Variants in ASAP1 observed in about 807,000 individuals in gnomAD.
The protein encoded by ASAP1 is arf-GAP with SH3 domain, ANK repeat and PH domain-containing protein 1.
In ASAP1, 43 loss-of-function variants were observed where a neutral mutation model predicts 145.2. That is an observed-to-expected ratio of 0.30 (90% confidence interval 0.23 to 0.38). The LOEUF (loss-of-function observed/expected upper bound fraction) is 0.38. Among genes scored for constraint, ASAP1 ranks in the 10% least tolerant of loss-of-function variants. The probability of loss-of-function intolerance (pLI) is 1.00; values close to 1 mark genes in which losing one functional copy is unlikely to be tolerated. For missense variants in ASAP1, 1,018 were observed against 1,355.3 expected, an observed-to-expected ratio of 0.75 and a Z score of 3.91; for synonymous variants, 546 against 515.5, an observed-to-expected ratio of 1.06 and a Z score of -0.80.
intron 1 of ASAP1, among the ~76,000 whole-genome samples, chr8:130,439,671 G>C (rs551934488): frequency 6.6e-6 from 1 of 152,340 alleles, no homozygotes; most frequent in Non-Finnish European, 1.5e-5. Context: ...TCTTCGAGGA[G>C]ATAAAGACAC....
intron 13 of ASAP1, among the ~76,000 whole-genome samples, chr8:130,139,336 GA>G (rs1436618385): frequency 6.6e-6 from 1 of 152,236 alleles, no homozygotes; most frequent in African/African-American, 2.4e-5. Context: ...ATTTGGGCCA[GA>G]AATAAGGAAG....
At chr8:130,252,159 T>C (rs1331005232) in intron 3 of ASAP1, among the ~76,000 whole-genome samples, 1 of 152,216 alleles carries the variant, frequency 6.6e-6, no homozygotes, top group East Asian at 1.9e-4. Flanking sequence ...CTATGGTTAC[T>C]AAAAATTATG....
At chr8:130,300,857 C>G (rs933407143) in intron 3 of ASAP1, among the ~76,000 whole-genome samples, 3 of 152,172 alleles carry the variant, frequency 2.0e-5, no homozygotes, top group African/African-American at 7.2e-5. Flanking sequence ...CTCTCTGGAC[C>G]AAGTTTCAGC....
intron 27 of ASAP1, among the ~76,000 whole-genome samples, chr8:130,064,593 ACTT>A (rs1292549358): frequency 6.6e-6 from 1 of 151,966 alleles, no homozygotes; most frequent in African/African-American, 2.4e-5. Context: ...ACAGAAGAAA[ACTT>A]CTGTGACCAA....
At chr8:130,179,875 C>A (rs547265702) in intron 8 of ASAP1, among the ~76,000 whole-genome samples, 2 of 152,134 alleles carry the variant, frequency 1.3e-5, no homozygotes, top group East Asian at 3.9e-4. Flanking sequence ...TCAAGATTTT[C>A]TATTGACACT....
intron 3 of ASAP1, among the ~76,000 whole-genome samples, chr8:130,286,211 A>G (rs1370033843): frequency 6.6e-6 from 1 of 152,252 alleles, no homozygotes. Flanking sequence ...GACCACCTGA[A>G]GTACATTGCA....
intron 11 of ASAP1, among the ~76,000 whole-genome samples, chr8:130,163,754 T>C (rs748691915): frequency 6.6e-6 from 1 of 152,234 alleles, no homozygotes; most frequent in Non-Finnish European, 1.5e-5. Context: ...AATCCTTTGA[T>C]AGTGTTAACG....
intron 3 of ASAP1, among the ~76,000 whole-genome samples, chr8:130,256,999 TC>T: frequency 6.6e-6 from 1 of 151,724 alleles, no homozygotes; most frequent in South Asian, 2.1e-4. Flanking sequence ...CATCATTTCT[TC>T]CCTTTTTTAA....
intron 3 of ASAP1, among the ~76,000 whole-genome samples, chr8:130,355,429 TG>T (rs1227492106): frequency 1.3e-5 from 2 of 152,122 alleles, no homozygotes; most frequent in Non-Finnish European, 2.9e-5. Context: ...ACTAGGAAAA[TG>T]TTTTTTTTAA....
At chr8:130,399,445 TA>T (rs35062353) in intron 2 of ASAP1, among the ~76,000 whole-genome samples, 1 of 152,000 alleles carries the variant, frequency 6.6e-6, no homozygotes, top group African/African-American at 2.4e-5. Flanking sequence ...ACTCTTGACT[TA>T]AAAAAAGAAA....
chr8:130,240,394 GA>G (rs1372361484), intron 3 of ASAP1, among the ~76,000 whole-genome samples: 1 of 152,016 alleles, frequency 6.6e-6, no homozygotes, highest in Non-Finnish European at 1.5e-5. Flanking sequence ...AGAGACAGGG[GA>G]TACTGTCCTT....
chr8:130,244,961 C>G (rs1323360413), intron 3 of ASAP1, among the ~76,000 whole-genome samples: 1 of 152,074 alleles, frequency 6.6e-6, no homozygotes, highest in Admixed American at 6.6e-5. Flanking sequence ...CCAATTACAG[C>G]AGTTTGAGGA....
At chr8:130,164,179 C>T (rs2097675376) in intron 11 of ASAP1, among the ~76,000 whole-genome samples, 1 of 152,170 alleles carries the variant, frequency 6.6e-6, no homozygotes, top group African/African-American at 2.4e-5. Flanking sequence ...TCTGTCAAAC[C>T]TGCAAACGAT....
intron 9 of ASAP1, among the ~76,000 whole-genome samples, chr8:130,173,935 G>C (rs1813769831): frequency 6.6e-6 from 1 of 151,150 alleles, no homozygotes; most frequent in Non-Finnish European, 1.5e-5. Flanking sequence ...AAAAAAATTA[G>C]CTTGGCGTGG....
chr8:130,182,227 C>T (rs2136182998), intron 7 of ASAP1, among the ~76,000 whole-genome samples: 1 of 152,316 alleles, frequency 6.6e-6, no homozygotes, highest in East Asian at 1.9e-4. Flanking sequence ...CTTAAACATA[C>T]ATGTCTTTAT....
intron 29 of ASAP1, among the ~76,000 whole-genome samples, chr8:130,055,183 C>T (rs2097401040): frequency 6.6e-6 from 1 of 152,092 alleles, no homozygotes; most frequent in Non-Finnish European, 1.5e-5. Flanking sequence ...AACCAGGGCG[C>T]CTGGCTGCCT....
chr8:130,262,457 A>AGAGTGAGAGT (rs796416744), intron 3 of ASAP1, among the ~76,000 whole-genome samples: 1 of 127,804 alleles, frequency 7.8e-6, no homozygotes, highest in African/African-American at 2.9e-5. Context: ...AGAGAGAGAG[A>AGAGTGAGAGT]ACCTGTGGAA....
chr8:130,144,802 T>G (rs1157865639), intron 13 of ASAP1, among the ~76,000 whole-genome samples: 2 of 152,222 alleles, frequency 1.3e-5, no homozygotes, highest in Non-Finnish European at 2.9e-5. Context: ...TTTACTAATT[T>G]TTTTGTCAAA....
chr8:130,120,617 G>A (rs917619923), intron 18 of ASAP1, among the ~76,000 whole-genome samples: 1 of 152,152 alleles, frequency 6.6e-6, no homozygotes, highest in Admixed American at 6.5e-5. Flanking sequence ...ATTCATCTGC[G>A]TTTCAGGAAT....
Sources: gnomAD v4.1 joint callset for allele counts (sites outside exome capture counted in the v4.1 genomes callset) on GRCh38, gnomAD v4.1.1 for gene constraint, MANE v1.5 for transcripts, NCBI Gene and HGNC (gene_info 2026-07-23, HGNC 2026-07-21) for gene names.